GJB7: variants seen among roughly 807,000 people sequenced by gnomAD.
GJB7 encodes the protein gap junction beta-7 protein.
For synonymous variants in GJB7, 87 were observed against 95.2 expected (o/e 0.91, Z 0.50); for missense variants, 253 against 256.8 (o/e 0.99, Z 0.10).
At chr6:87,322,749 C>G (rs563343639) in intron 2 of GJB7, 117 bp downstream of exon 2, 3 of 152,382 alleles carry the variant, frequency 2.0e-5, no homozygotes, top group South Asian at 2.1e-4. Context: ...GTCTCCCTCC[C>G]AGGGAGGGAG....
At position 87,284,903 on chromosome 6, in the gene GJB7, T is replaced by G; in HGVS notation, c.10A>C (p.Met4Leu). ...CCACTCAGGAGATCTCTGAGGAACATCCAACTCATGACTTAGGCTCAAAAG... is the reference window on the plus strand; with the variant it reads ...CCACTCAGGAGATCTCTGAGGAACAGCCAACTCATGACTTAGGCTCAAAAG... MSW[M>L]FLRDLLSGVN... The change falls in exon 3 of 3, where the codon ATG (methionine) becomes CTG (leucine). Residue 4 changes from methionine (M) to leucine (L), a missense_variant. Transcript: ENST00000525899. 6.2e-7 allele frequency: 1 copy of G among 1,610,710 alleles called. No homozygotes were observed. The highest frequency in any genetic ancestry group is 8.5e-7 in the Non-Finnish European group (1 of 1,177,278).
At position 87,326,753 on chromosome 6, in the gene GJB7, G is replaced by A. The variant is rs546054011; in HGVS notation, c.-206+2385C>T. ...AAAAATGTATATTCTGTTGATTTGG[G>A]GTGGAGAGTTCTGTAGATGTCTATT... On this transcript the variant is annotated intron_variant, in intron 1 of 2. Transcript: ENST00000525899. 6.6e-5 allele frequency among the ~76,000 whole-genome samples: 8 copies of A among 120,602 alleles called. No homozygotes were observed. In the South Asian group the frequency reaches 9.1e-4, roughly 14 times the overall value. 79.1% of individuals were successfully genotyped at this position (120,602 alleles called of 152,430 possible). A position where few individuals can be genotyped will look rare whatever the true frequency, so the allele number is the denominator to read the frequency against.
intron 1 of GJB7, among the ~76,000 whole-genome samples, chr6:87,326,712 G>A (rs2127916848): frequency 7.8e-6 from 1 of 128,118 alleles, no homozygotes; most frequent in South Asian, 2.8e-4. Flanking sequence ...TGGAATAGGT[G>A]TGGTGTGGTG....
In GJB7 at chr6:87,284,192, G is replaced by A. The variant is rs1362139146; in HGVS notation, c.*49C>T. 1 of 1,440,864 alleles carries A rather than the reference G, an allele frequency of 6.9e-7. No individual in the cohort carries two copies. The highest frequency in any genetic ancestry group is 9.6e-7 in the Non-Finnish European group (1 of 1,041,894). 89.3% of individuals were successfully genotyped at this position (1,440,864 alleles called of 1,614,324 possible). ...GCCAAGTGTGAAGATTCTGGAGTAG[G>A]GGAGGGGTCCCTCTCCTACCACATT... On this transcript the variant is annotated 3_prime_UTR_variant, in exon 3 of 3. Transcript: ENST00000525899.
chr6:87,325,329 ATCCCTG>A (rs1776790570), intron 1 of GJB7, among the ~76,000 whole-genome samples: 1 of 143,540 alleles, frequency 7.0e-6, no homozygotes, highest in East Asian at 2.0e-4. Flanking sequence ...GAGAGAGGGC[ATCCCTG>A]TCTTGTGCCA....
chr6:87,302,237 A>C (rs422086), intron 2 of GJB7, among the ~76,000 whole-genome samples: 77,739 of 151,998 alleles, frequency 0.51, 20,505 homozygotes, highest in Non-Finnish European at 0.58. Context: ...TCCAAGCTAA[A>C]GGAGGAAGTT....
Position 87,322,873 on chromosome 6 carries a change from G to C in GJB7, c.-35C>G, listed in dbSNP as rs994000211. On this transcript the variant is annotated 5_prime_UTR_variant, in exon 2 of 3. Transcript: ENST00000525899. ...CCCATTTCCCGTACTCACCTTGCGG[G>C]CTCCAGTTTGTTCGGTGCTTCATCC... is the stretch of plus-strand genomic sequence containing the variant. 1.3e-5 allele frequency: 2 copies of C among 152,298 alleles called. No individual in the cohort carries two copies. The highest frequency in any genetic ancestry group is 4.8e-5 in the African/African-American group (2 of 41,406). The allele number at this position is 152,298 out of a possible 1,614,324, so 9.4% of individuals were successfully genotyped here. A position where few individuals can be genotyped will look rare whatever the true frequency, so the allele number is the denominator to read the frequency against.
chr6:87,326,314 G>C (rs1776820097), intron 1 of GJB7, among the ~76,000 whole-genome samples: 1 of 152,126 alleles, frequency 6.6e-6, no homozygotes, highest in Admixed American at 6.5e-5. Flanking sequence ...GCTAGCTTTT[G>C]AATGTGTTTG....
At chr6:87,316,408 C>T (rs1174680306) in intron 2 of GJB7, among the ~76,000 whole-genome samples, 1 of 152,172 alleles carries the variant, frequency 6.6e-6, no homozygotes, top group Admixed American at 6.5e-5. Flanking sequence ...GAATACAATT[C>T]CTACACACCA....
intron 2 of GJB7, among the ~76,000 whole-genome samples, chr6:87,287,256 A>G (rs535631751): frequency 1.3e-4 from 20 of 152,346 alleles, no homozygotes; most frequent in Non-Finnish European, 2.1e-4. Context: ...CCTGTTTCCT[A>G]TAGTACAATA....
rs148998618 is a variant in GJB7 at position 87,321,459 on chromosome 6, G to A, written c.-28+1407C>T. ...ATATTTTACCAGTCTTACGATCTCC[G>A]TTTTAATGTTAATGCTGGTCAGTTG... On this transcript the variant is annotated intron_variant, in intron 2 of 2. Transcript: ENST00000525899. Among the ~76,000 whole-genome samples the A allele has an allele frequency of 5.3e-5, 8 of 152,136 alleles. No homozygotes were observed. In the East Asian group the frequency reaches 7.7e-4, roughly 15 times the overall value.
At chr6:87,304,475 G>T (rs145658846) in intron 2 of GJB7, among the ~76,000 whole-genome samples, 1,592 of 152,252 alleles carry the variant, frequency 0.01, 29 homozygotes, top group African/African-American at 0.035. Context: ...ACTAAACCAG[G>T]AAGAAGTTGA....
At chr6:87,317,656 C>A (rs549682263) in intron 2 of GJB7, among the ~76,000 whole-genome samples, 2 of 152,118 alleles carry the variant, frequency 1.3e-5, no homozygotes, top group Non-Finnish European at 2.9e-5. Context: ...GTCTTGAACT[C>A]CTGACCTCAG....
At chr6:87,324,220 AGGTTGCCTGTTCACTCTGAT>A (rs1776758771) in intron 1 of GJB7, among the ~76,000 whole-genome samples, 1 of 152,114 alleles carries the variant, frequency 6.6e-6, no homozygotes, top group Non-Finnish European at 1.5e-5. Flanking sequence ...CCCATTTTGT[AGGTTGCCTGTTCACTCTGAT>A]GGTAGTTTCT....
At chr6:87,310,155 C>A (rs1482074457) in intron 2 of GJB7, among the ~76,000 whole-genome samples, 1 of 151,926 alleles carries the variant, frequency 6.6e-6, no homozygotes, top group Admixed American at 6.6e-5. Flanking sequence ...CAAAATACAA[C>A]TGTAGAAGGA....
intron 2 of GJB7, among the ~76,000 whole-genome samples, chr6:87,310,662 T>A (rs1274031797): frequency 1.3e-5 from 2 of 150,668 alleles, no homozygotes; most frequent in African/African-American, 2.5e-5. Flanking sequence ...TAAAAAAAAA[T>A]AAACCAAATA....
chr6:87,300,107 T>G (rs1776299686), intron 2 of GJB7: 1 of 306,674 alleles, frequency 3.3e-6, no homozygotes, highest in Admixed American at 3.8e-5. Flanking sequence ...ACTTGAGCCT[T>G]GGATTCATTA....
At chr6:87,285,729 A>T (rs1241779946) in intron 2 of GJB7, among the ~76,000 whole-genome samples, 1 of 152,112 alleles carries the variant, frequency 6.6e-6, no homozygotes, top group Non-Finnish European at 1.5e-5. Context: ...AGTGTTGTCC[A>T]TTTTTAGTGG....
At chr6:87,293,359 A>G (rs1027079300) in intron 2 of GJB7, among the ~76,000 whole-genome samples, 1 of 152,140 alleles carries the variant, frequency 6.6e-6, no homozygotes, top group African/African-American at 2.4e-5. Context: ...ATCAATTTAT[A>G]TTATTAGTTA....
Sources: allele counts gnomAD v4.1 joint callset (sites outside exome capture counted in the v4.1 genomes callset), GRCh38; gene constraint gnomAD v4.1.1; transcripts MANE v1.5; gene names NCBI Gene and HGNC (gene_info 2026-07-23, HGNC 2026-07-21).